RCOR1: variants seen among roughly 807,000 people sequenced by gnomAD.
RCOR1 encodes the protein REST corepressor 1, also known as REST corepressor.
Under a neutral mutation model 64.0 loss-of-function variants are expected in RCOR1, and 12 were observed. The observed-to-expected ratio is 0.19, with a 90% CI of 0.12 to 0.30. The LOEUF is 0.30. Ranked by LOEUF, RCOR1 falls within the 10% of genes least tolerant of loss-of-function variation. RCOR1 has a pLI of 1.00. For missense variants in RCOR1, 502 were observed against 621.2 expected, an observed-to-expected ratio of 0.81 and a Z score of 2.04; for synonymous variants, 279 against 227.2, an observed-to-expected ratio of 1.23 and a Z score of -2.05.
intron 11 of RCOR1, among the ~76,000 whole-genome samples, chr14:102,724,693 G>C (rs1896228050): frequency 6.6e-6 from 1 of 152,112 alleles, no homozygotes; most frequent in South Asian, 2.1e-4. Context: ...CTGCCACCTA[G>C]TTTTATGTTC....
At chr14:102,658,231 TC>T (rs1316234346) in intron 2 of RCOR1, among the ~76,000 whole-genome samples, 1 of 152,154 alleles carries the variant, frequency 6.6e-6, no homozygotes, top group Non-Finnish European at 1.5e-5. Flanking sequence ...CACCTCGGCT[TC>T]CCAAAGTGTT....
At chr14:102,594,260 A>G (rs1170885347) in intron 2 of RCOR1, among the ~76,000 whole-genome samples, 1 of 152,254 alleles carries the variant, frequency 6.6e-6, no homozygotes, top group East Asian at 1.9e-4. Flanking sequence ...ATAAAATTCA[A>G]AAGAGCATCT....
At chr14:102,715,440 G>T (rs542812527) in intron 8 of RCOR1, among the ~76,000 whole-genome samples, 3 of 151,940 alleles carry the variant, frequency 2.0e-5, no homozygotes, top group Non-Finnish European at 4.4e-5. Flanking sequence ...GGAGTGCAGC[G>T]GTGCGATCTT....
At position 102,596,334 on chromosome 14, in the gene RCOR1, C is replaced by T. The variant is rs542940159; in HGVS notation, c.361+3009C>T. Among the ~76,000 whole-genome samples the T allele has an allele frequency of 7.2e-5, 11 of 152,160 alleles. No individual in the cohort carries two copies. In the South Asian group the frequency reaches 1.2e-3, roughly 17 times the overall value. Reference sequence around the variant, plus strand: ...ATCAGGCTGGTCTGGAACTCCTGAACGCAGGTGATCCACCCACCTCAGCCT... The same window carrying T: ...ATCAGGCTGGTCTGGAACTCCTGAATGCAGGTGATCCACCCACCTCAGCCT... On this transcript the variant is annotated intron_variant, in intron 2 of 11. Transcript: ENST00000262241.
At chr14:102,613,923 G>A (rs1017118642) in intron 2 of RCOR1, among the ~76,000 whole-genome samples, 14 of 113,824 alleles carry the variant, frequency 1.2e-4, no homozygotes, top group Non-Finnish European at 1.8e-4. Flanking sequence ...ACAGAGTTTC[G>A]CTGTTGTTGC....
chr14:102,657,091 G>C, intron 2 of RCOR1: 1 of 983,798 alleles, frequency 1.0e-6, no homozygotes, highest in Non-Finnish European at 1.2e-6. Flanking sequence ...ATCTTCTAAA[G>C]CCTAATCTTT....
At chr14:102,611,299 C>T (rs1474026201) in intron 2 of RCOR1, among the ~76,000 whole-genome samples, 1 of 151,960 alleles carries the variant, frequency 6.6e-6, no homozygotes, top group Non-Finnish European at 1.5e-5. Context: ...TCTCTCCTGA[C>T]CTCTGGTGAT....
At chr14:102,663,457 A>G (rs1473484338) in intron 2 of RCOR1, among the ~76,000 whole-genome samples, 1 of 152,212 alleles carries the variant, frequency 6.6e-6, no homozygotes, top group African/African-American at 2.4e-5. Flanking sequence ...AGGAACTCTT[A>G]CAACATTGGT....
At chr14:102,695,351 G>A (rs567583424) in intron 3 of RCOR1, 1 of 151,828 alleles carries the variant, frequency 6.6e-6, no homozygotes, top group African/African-American at 2.4e-5. Flanking sequence ...GAGCCCTTCT[G>A]CCTCTATCTT....
At chr14:102,681,351 G>A (rs1335138392) in intron 2 of RCOR1, among the ~76,000 whole-genome samples, 3 of 152,150 alleles carry the variant, frequency 2.0e-5, no homozygotes, top group African/African-American at 7.2e-5. Context: ...ACAGCCGCTT[G>A]CGGTTAATTC....
At chr14:102,614,594 T>TAG (rs1374688001) in intron 2 of RCOR1, among the ~76,000 whole-genome samples, 1 of 152,158 alleles carries the variant, frequency 6.6e-6, no homozygotes, top group Non-Finnish European at 1.5e-5. Context: ...TGTCAGATGA[T>TAG]TAACTATCAT....
intron 2 of RCOR1, among the ~76,000 whole-genome samples, chr14:102,610,654 C>G (rs565026357): frequency 4.6e-5 from 7 of 152,248 alleles, no homozygotes; most frequent in African/African-American, 1.7e-4. Flanking sequence ...GCTCGCCCAC[C>G]CGCGTTCACA....
chr14:102,615,306 T>TC (rs1893735361), intron 2 of RCOR1, among the ~76,000 whole-genome samples: 1 of 148,694 alleles, frequency 6.7e-6, no homozygotes. Flanking sequence ...CTAAATTTTT[T>TC]TTTTTAATAT....
Position 102,721,250 on chromosome 14 carries a change from T to C in RCOR1, c.1132-70T>C, listed in dbSNP as rs1362759426. The C allele has an allele frequency of 1.9e-5, 26 of 1,378,314 alleles. No homozygotes were observed. The Admixed American group carries it at 4.7e-4, about 25-fold the overall frequency. 85.4% of individuals were successfully genotyped at this position (1,378,314 alleles called of 1,614,324 possible). A position where few individuals can be genotyped will look rare whatever the true frequency, so the allele number is the denominator to read the frequency against. On this transcript the variant is annotated intron_variant, in intron 9 of 11. Transcript: ENST00000262241. The stretch of plus-strand genomic sequence containing the variant: ...AATTCCGATAAGAGAAAATGAAAGG[T>C]TCGTTAAGCTCATAAGGACATACTC...
In RCOR1 at chr14:102,722,317, G is replaced by A; in HGVS notation, c.1320G>A (p.Trp440Ter). 1 of 1,614,086 alleles carries A rather than the reference G, an allele frequency of 6.2e-7. No homozygotes were observed. The highest frequency in any genetic ancestry group is 8.5e-7 in the Non-Finnish European group (1 of 1,180,014). Reference sequence around the variant, plus strand: ...ACATAGATGAAGTTTTACAAGAATGGGAGGCAGAACATGGTAAAGAAGAGA... The same window carrying A: ...ACATAGATGAAGTTTTACAAGAATGAGAGGCAGAACATGGTAAAGAAGAGA... ...RFNIDEVLQE[W>*]EAEHGKEETN... Residue 440 changes from tryptophan (W) to a stop codon, truncating the protein, a stop_gained, in exon 11 of 12, where the codon TGG becomes TGA. Coordinates refer to ENST00000262241, the MANE Select transcript of RCOR1 (RefSeq NM_015156.4). LOFTEE classifies it high-confidence loss of function.
intron 4 of RCOR1, among the ~76,000 whole-genome samples, chr14:102,704,190 G>C (rs1052912424): frequency 1.1e-4 from 16 of 152,152 alleles, no homozygotes; most frequent in Non-Finnish European, 4.4e-5. Flanking sequence ...GGGCCTGCTT[G>C]ACCCCAGGAC....
chr14:102,627,525 C>T (rs560665070), intron 2 of RCOR1, among the ~76,000 whole-genome samples: 3 of 152,018 alleles, frequency 2.0e-5, no homozygotes, highest in Admixed American at 6.5e-5. Context: ...GGCGTGGTGG[C>T]GGGTGCCTGT....
chr14:102,706,131 A>AAAAC (rs1895851572), intron 4 of RCOR1, among the ~76,000 whole-genome samples: 1 of 148,942 alleles, frequency 6.7e-6, no homozygotes, highest in Admixed American at 6.7e-5. Context: ...AAAAAAAAAA[A>AAAAC]AAAAAAAAAA....
At chr14:102,638,939 A>G (rs981380828) in intron 2 of RCOR1, among the ~76,000 whole-genome samples, 4 of 152,224 alleles carry the variant, frequency 2.6e-5, no homozygotes, top group African/African-American at 7.2e-5. Flanking sequence ...CTGGGATTGC[A>G]GGCGTGAACT....
Sources: allele counts gnomAD v4.1 joint callset (sites outside exome capture counted in the v4.1 genomes callset), GRCh38; gene constraint gnomAD v4.1.1; transcripts MANE v1.5; gene names NCBI Gene and HGNC (gene_info 2026-07-23, HGNC 2026-07-21).